The following DSCAM variants were observed in gnomAD, a reference collection of about 807,000 sequenced individuals.
The protein encoded by DSCAM is DS cell adhesion molecule, also known as cell adhesion molecule DSCAM.
A neutral mutation model predicts 217.7 loss-of-function variants in DSCAM; 47 were observed. The observed-to-expected ratio is 0.22, with a 90% CI of 0.17 to 0.28. The LOEUF (loss-of-function observed/expected upper bound fraction) is 0.28, where lower values mean the gene tolerates loss of function less well. DSCAM is among the 10% of genes least tolerant of loss of function. DSCAM has a pLI of 1.00. For synonymous variants in DSCAM, 1,056 were observed against 1,015.3 expected, an observed-to-expected ratio of 1.04 and a Z score of -0.76; for missense variants, 2,080 against 2,618.3, an observed-to-expected ratio of 0.79 and a Z score of 4.49.
intron 11 of DSCAM, among the ~76,000 whole-genome samples, chr21:40,193,561 A>G (rs1275655696): frequency 6.6e-6 from 1 of 152,138 alleles, no homozygotes; most frequent in African/African-American, 2.4e-5. Flanking sequence ...GTCCACTACC[A>G]TCAACCCCCA....
At chr21:40,729,335 AAGTGCTG>A (rs1279037399) in intron 1 of DSCAM, among the ~76,000 whole-genome samples, 3 of 152,194 alleles carry the variant, frequency 2.0e-5, no homozygotes, top group Non-Finnish European at 4.4e-5. Flanking sequence ...AATGAGAAGA[AAGTGCTG>A]CACTCTGTCA....
At chr21:40,069,891 AAAG>A (rs1441285946) in intron 27 of DSCAM, among the ~76,000 whole-genome samples, 2 of 152,172 alleles carry the variant, frequency 1.3e-5, no homozygotes, top group African/African-American at 4.8e-5. Context: ...TATATTAAAA[AAAG>A]AAGGCCATAT....
At chr21:40,817,277 G>A (rs1468505504) in intron 1 of DSCAM, among the ~76,000 whole-genome samples, 2 of 152,146 alleles carry the variant, frequency 1.3e-5, no homozygotes, top group East Asian at 1.9e-4. Flanking sequence ...ATAAATGCCA[G>A]GAGGGAAAGG....
chr21:40,530,188 A>C (rs981205793), intron 3 of DSCAM, among the ~76,000 whole-genome samples: 3 of 152,154 alleles, frequency 2.0e-5, no homozygotes, highest in African/African-American at 7.2e-5. Context: ...AACTCAGTAC[A>C]AAGAAACACC....
At chr21:40,685,645 G>A (rs562406478) in intron 3 of DSCAM, among the ~76,000 whole-genome samples, 1 of 152,158 alleles carries the variant, frequency 6.6e-6, no homozygotes, top group South Asian at 2.1e-4. Flanking sequence ...TGTGCCTTTT[G>A]CCTTTGCTGC....
At chr21:40,617,119 CTTTTTT>C (rs1178735630) in intron 3 of DSCAM, among the ~76,000 whole-genome samples, 2 of 112,670 alleles carry the variant, frequency 1.8e-5, no homozygotes, top group African/African-American at 7.3e-5. Context: ...CAGAACCAGT[CTTTTTT>C]TTTTTTTTTT....
At chr21:40,602,974 GT>G (rs59739152) in intron 3 of DSCAM, among the ~76,000 whole-genome samples, 152,161 of 152,166 alleles carry the variant, frequency 1, 76,078 homozygotes, top group Middle Eastern at 1. Context: ...AATGTTATAA[GT>G]TTTCTGTGAA....
chr21:40,464,335 T>C (rs2075827712), intron 3 of DSCAM, among the ~76,000 whole-genome samples: 1 of 151,926 alleles, frequency 6.6e-6, no homozygotes, highest in Admixed American at 6.6e-5. Flanking sequence ...ATAAACAAGA[T>C]AAATAAACTA....
chr21:40,690,480 G>T (rs563499763), intron 3 of DSCAM, among the ~76,000 whole-genome samples: 2 of 152,254 alleles, frequency 1.3e-5, no homozygotes, highest in African/African-American at 4.8e-5. Flanking sequence ...ATAAACACCT[G>T]TGTTGTATTT....
At chr21:40,323,354 T>C (rs1013454832) in intron 8 of DSCAM, among the ~76,000 whole-genome samples, 2 of 152,200 alleles carry the variant, frequency 1.3e-5, no homozygotes, top group Non-Finnish European at 2.9e-5. Context: ...CAGGTCTGTG[T>C]GTGACACACT....
chr21:40,233,519 T>C (rs2091400160), intron 11 of DSCAM, among the ~76,000 whole-genome samples: 1 of 152,148 alleles, frequency 6.6e-6, no homozygotes, highest in African/African-American at 2.4e-5. Context: ...CAACACGTAA[T>C]ATTGCACAAG....
In DSCAM at chr21:40,339,392, C is replaced by T. The variant is rs1325818607; in HGVS notation, c.1234G>A (p.Ala412Thr). ...LEDGTPKIISAFSEKVVSPAE... is the reference protein window; with the variant it reads ...LEDGTPKIISTFSEKVVSPAE... ...GGACTCACCACCTTTTCACTAAAGG[C>T]AGAAATAATTTTGGGAGTTCCATCT... is the stretch of plus-strand genomic sequence containing the variant. The change falls in exon 7 of 33, where the codon GCC becomes ACC. Residue 412 changes from alanine (A) to threonine (T), a missense_variant. Transcript: ENST00000400454. 6.2e-7 allele frequency: 1 copy of T among 1,606,914 alleles called. No homozygotes were observed. The highest frequency in any genetic ancestry group is 1.3e-5 in the African/African-American group (1 of 74,808).
At chr21:40,348,250 A>ACACAGTCCCTATCAACCACAT (rs2074583932) in intron 5 of DSCAM, among the ~76,000 whole-genome samples, 2 of 152,236 alleles carry the variant, frequency 1.3e-5, no homozygotes, top group African/African-American at 2.4e-5. Context: ...ATCATACCCC[A>ACACAGTCCCTATCAACCACAT]TACGGTTCCT....
At chr21:40,540,357 C>T (rs368763926) in intron 3 of DSCAM, among the ~76,000 whole-genome samples, 2 of 152,168 alleles carry the variant, frequency 1.3e-5, no homozygotes, top group African/African-American at 4.8e-5. Context: ...CTCTCCCCTC[C>T]GCTCCCACAG....
intron 11 of DSCAM, among the ~76,000 whole-genome samples, chr21:40,222,103 G>GT (rs2091293631): frequency 6.6e-6 from 1 of 152,168 alleles, no homozygotes; most frequent in African/African-American, 2.4e-5. Flanking sequence ...AGTGTTTGTT[G>GT]CCAGTGGTAA....
At chr21:40,728,283 T>G (rs2090978157) in intron 1 of DSCAM, among the ~76,000 whole-genome samples, 1 of 152,246 alleles carries the variant, frequency 6.6e-6, no homozygotes, top group Admixed American at 6.5e-5. Context: ...TACAATAGTT[T>G]CTAGCATGTA....
At chr21:40,619,143 T>C (rs1219201949) in intron 3 of DSCAM, among the ~76,000 whole-genome samples, 1 of 152,066 alleles carries the variant, frequency 6.6e-6, no homozygotes, top group Non-Finnish European at 1.5e-5. Context: ...GTAAATAGCA[T>C]CTCATGAAGT....
intron 16 of DSCAM, among the ~76,000 whole-genome samples, chr21:40,160,091 C>T (rs908815465): frequency 5.3e-5 from 8 of 152,096 alleles, no homozygotes; most frequent in South Asian, 2.1e-4. Flanking sequence ...CCAGAGTGGG[C>T]CCACATCCGT....
chr21:40,757,539 A>G (rs2091288360), intron 1 of DSCAM, among the ~76,000 whole-genome samples: 1 of 152,152 alleles, frequency 6.6e-6, no homozygotes, highest in Non-Finnish European at 1.5e-5. Context: ...GCCAGATGTG[A>G]TGCAAGCAGT....
Sources: gnomAD v4.1 joint callset for allele counts (sites outside exome capture counted in the v4.1 genomes callset) on GRCh38, gnomAD v4.1.1 for gene constraint, MANE v1.5 for transcripts, NCBI Gene and HGNC (gene_info 2026-07-23, HGNC 2026-07-21) for gene names.